Variants in TPM4 observed in about 807,000 individuals in gnomAD.
The protein encoded by TPM4 is tropomyosin 4.
TPM4 carries 17 observed loss-of-function variants against 35.8 expected under a neutral mutation model. The observed-to-expected ratio is 0.47, with a 90% CI of 0.32 to 0.71. The LOEUF (loss-of-function observed/expected upper bound fraction) is 0.71. Among genes scored for constraint, TPM4 ranks in the 30% least tolerant of loss-of-function variants. The pLI is 0.03. For synonymous variants in TPM4, 120 were observed against 122.9 expected, an observed-to-expected ratio of 0.98 and a Z score of 0.15; for missense variants, 240 against 320.9, an observed-to-expected ratio of 0.75 and a Z score of 1.93.
chr19:16,067,809 G>T lies in TPM4; in HGVS notation c.114+71G>T. 2 of 1,460,840 alleles carry T rather than the reference G, an allele frequency of 1.4e-6. No homozygotes were observed. The highest frequency in any genetic ancestry group is 1.9e-6 in the Non-Finnish European group (2 of 1,075,722). The allele number at this position is 1,460,840 out of a possible 1,614,324, so 90.5% of individuals were successfully genotyped here. On this transcript the variant is annotated intron_variant, in intron 2 of 2. Transcript: ENST00000589897. The surrounding 1 kb of genome is among the most constrained non-coding windows in gnomAD (Gnocchi z 4.1). The stretch of plus-strand genomic sequence containing the variant: ...TCTGTGCGGAAGGCCGGGGTCTGGA[G>T]CCCAGTTGGGGGTCGCAGACACCTG...
upstream of TPM4, chr19:16,075,158 G>A (rs1240687159): frequency 6.6e-6 from 1 of 152,132 alleles, no homozygotes; most frequent in Non-Finnish European, 1.5e-5. Context: ...GCCCAGGGAG[G>A]GAGTTTCAGC....
upstream of TPM4, chr19:16,076,325 T>C (rs1242791288): frequency 7.3e-6 from 11 of 1,498,632 alleles, no homozygotes; most frequent in Admixed American, 5.4e-5. Flanking sequence ...AAAGGGGCAC[T>C]TTCCAGCAGC....
chr19:16,092,824 C>T (rs1479976017), intron 5 of TPM4, among the ~76,000 whole-genome samples: 4 of 152,184 alleles, frequency 2.6e-5, no homozygotes, highest in African/African-American at 9.6e-5. Flanking sequence ...GCGTGAGCCA[C>T]CGTGCCTGGC....
At chr19:16,075,203 C>T (rs1451270413), upstream of TPM4, 1 of 152,256 alleles carries the variant, frequency 6.6e-6, no homozygotes, top group African/African-American at 2.4e-5. Flanking sequence ...TGAGCCAACT[C>T]TAGACCGGTG....
chr19:16,088,448 C>T (rs2090586158), intron 4 of TPM4: 7 of 1,109,752 alleles, frequency 6.3e-6, no homozygotes, highest in East Asian at 1.2e-4. Flanking sequence ...GGCAGGCTCC[C>T]CCGGTCAGTA....
intron 7 of TPM4, 84 bp from the exon 8 acceptor site, chr19:16,101,180 A>C: frequency 8.3e-7 from 1 of 1,201,266 alleles, no homozygotes. Flanking sequence ...CAAGAAGAAG[A>C]AAAAAAAACA....
intron 2 of TPM4, among the ~76,000 whole-genome samples, chr19:16,084,402 C>T (rs943974509): frequency 3.9e-5 from 6 of 152,196 alleles, no homozygotes; most frequent in Admixed American, 2.0e-4. Context: ...GTGGCAGCTC[C>T]GGCAGCCACG....
At chr19:16,072,832 G>C (rs969606005), upstream of TPM4, among the ~76,000 whole-genome samples, 13 of 152,288 alleles carry the variant, frequency 8.5e-5, 1 homozygote, top group African/African-American at 3.1e-4. Flanking sequence ...ACTTGAGCCA[G>C]GGAGGTGGAA....
chr19:16,089,666 C>G (rs553323781), intron 5 of TPM4, among the ~76,000 whole-genome samples: 18 of 140,254 alleles, frequency 1.3e-4, no homozygotes, highest in African/African-American at 3.0e-4. Flanking sequence ...CTCCACCCCC[C>G]ACTTTTTTTT....
At chr19:16,086,937 G>A (rs1230598516) in intron 3 of TPM4, among the ~76,000 whole-genome samples, 1 of 152,032 alleles carries the variant, frequency 6.6e-6, no homozygotes, top group Non-Finnish European at 1.5e-5. Context: ...TCAGGCTTGA[G>A]GAAGAGAATC....
At chr19:16,076,201 G>C (rs1361039412), upstream of TPM4, 37 of 1,551,458 alleles carry the variant, frequency 2.4e-5, 1 homozygote, top group East Asian at 8.8e-4. Context: ...GGGAGCCCGC[G>C]GCGGGGCCAG....
chr19:16,088,244 C>A, intron 4 of TPM4, 147 bp downstream of exon 4: 1 of 1,421,278 alleles, frequency 7.0e-7, no homozygotes, highest in Non-Finnish European at 9.5e-7. Flanking sequence ...TTTCTCTTGG[C>A]TTCTGTGACA....
intron 4 of TPM4, chr19:16,088,772 A>T (rs1313470923): frequency 3.4e-6 from 4 of 1,190,684 alleles, no homozygotes; most frequent in Non-Finnish European, 4.2e-6. Context: ...AAGTCCTTGC[A>T]GCCTTACCCT....
At chr19:16,076,240 G>C, upstream of TPM4, 1 of 1,546,508 alleles carries the variant, frequency 6.5e-7, no homozygotes, top group Non-Finnish European at 8.7e-7. Context: ...GGAAGGCGGG[G>C]AGAGCCGCAG....
At chr19:16,087,054 G>C (rs1461778270) in intron 3 of TPM4, among the ~76,000 whole-genome samples, 1 of 152,166 alleles carries the variant, frequency 6.6e-6, no homozygotes, top group Non-Finnish European at 1.5e-5. Flanking sequence ...GAGGCGGGAG[G>C]ATCACCTGAG....
rs553102950 is a variant in TPM4 at position 16,070,516 on chromosome 19, C to T, written c.114+2778C>T. Among the ~76,000 whole-genome samples the T allele has an allele frequency of 3.9e-5, 6 of 152,154 alleles. No homozygotes were observed. Among genetic ancestry groups the T allele is most frequent in the African/African-American group, 4.8e-5 (2 of 41,430 alleles). On this transcript the variant is annotated intron_variant, in intron 2 of 2. Transcript: ENST00000589897. The surrounding 1 kb of genome is among the most constrained non-coding windows in gnomAD (Gnocchi z 7.4). ...GCCAGGCCAGCCCGGCAGCTAAAGG[C>T]GAAAGCTCGGAGCTCAGACTGGCCA...
intron 7 of TPM4, among the ~76,000 whole-genome samples, chr19:16,098,977 T>C (rs971757471): frequency 6.6e-6 from 1 of 151,960 alleles, no homozygotes; most frequent in African/African-American, 2.4e-5. Context: ...TCCAACATAG[T>C]CAGCATTCAG....
At chr19:16,082,372 A>C (rs2090494085) in intron 2 of TPM4, among the ~76,000 whole-genome samples, 1 of 152,170 alleles carries the variant, frequency 6.6e-6, no homozygotes, top group East Asian at 1.9e-4. Context: ...TTAGCCTGCC[A>C]TGGTGGCGGG....
intron 7 of TPM4, among the ~76,000 whole-genome samples, chr19:16,097,931 C>A (rs2090719332): frequency 6.6e-6 from 1 of 152,192 alleles, no homozygotes; most frequent in Non-Finnish European, 1.5e-5. Flanking sequence ...TAACTGCCGT[C>A]CATCCTGAAC....
Sources: gnomAD v4.1 joint callset for allele counts (sites outside exome capture counted in the v4.1 genomes callset) on GRCh38, gnomAD v4.1.1 for gene constraint, Gnocchi (gnomAD v3.1) non-coding constraint, MANE v1.5 for transcripts, NCBI Gene and HGNC (gene_info 2026-07-23, HGNC 2026-07-21) for gene names.